The following THOC7 variants were observed in gnomAD, a reference collection of about 807,000 sequenced individuals.
THOC7 encodes THO complex subunit 7, also known as NIF3L1-binding protein 1.
Under a neutral mutation model 33.1 loss-of-function variants are expected in THOC7, and 22 were observed. That is an observed-to-expected ratio of 0.66 (90% CI 0.47 to 0.95). The LOEUF is 0.95. Ranked by LOEUF, THOC7 falls within the 40% of genes least tolerant of loss-of-function variation. The probability of loss-of-function intolerance (pLI) is 0.00; values close to 1 mark genes in which losing one functional copy is unlikely to be tolerated. For missense variants in THOC7, 184 were observed against 245.3 expected, an observed-to-expected ratio of 0.75 and a Z score of 1.67; for synonymous variants, 77 against 76.8, an observed-to-expected ratio of 1.00 and a Z score of -0.01.
chr3:63,858,734 T>C (rs1702156107), intron 1 of THOC7, among the ~76,000 whole-genome samples: 1 of 152,238 alleles, frequency 6.6e-6, no homozygotes, highest in Non-Finnish European at 1.5e-5. Context: ...CTAGCCAGAC[T>C]GCTAGAGTTG....
In THOC7 at chr3:63,839,670, C is replaced by T. The variant is rs776582006; in HGVS notation, c.123G>A (p.Gly41=). The change falls in exon 2 of 8, where the codon GGG becomes GGA. Residue 41 remains glycine, a synonymous_variant. Coordinates refer to ENST00000295899, the MANE Select transcript of THOC7 (RefSeq NM_025075.4). ...VKSFIKWCNS[G]SQEEGYSQYQ... ...AAATGAAATACCCCTCTTCCTGGGACCCAGAGTTGCACCATTTAATGAAAC... is the reference window on the plus strand; with the variant it reads ...AAATGAAATACCCCTCTTCCTGGGATCCAGAGTTGCACCATTTAATGAAAC... The T allele has an allele frequency of 8.1e-6, 13 of 1,611,716 alleles. No individual in the cohort carries two copies. The highest frequency in any genetic ancestry group is 2.2e-4 in the Middle Eastern group (1 of 4,576).
At chr3:63,860,902 AAG>A (rs1203399661) in intron 1 of THOC7, 4 of 152,204 alleles carry the variant, frequency 2.6e-5, no homozygotes, top group East Asian at 1.9e-4. Context: ...TAGGAAAGAA[AAG>A]AGGGGATTTT....
intron 1 of THOC7, among the ~76,000 whole-genome samples, chr3:63,857,467 T>C (rs2107164300): frequency 6.6e-6 from 1 of 152,358 alleles, no homozygotes; most frequent in Non-Finnish European, 1.5e-5. Context: ...AAAATGTTCA[T>C]GCAGATTCCT....
Position 63,833,927 on chromosome 3 carries a change from A to G in THOC7, c.*205T>C, listed in dbSNP as rs1352769914. 3 of 485,000 alleles carry G rather than the reference A, an allele frequency of 6.2e-6. No individual in the cohort carries two copies. Among genetic ancestry groups the G allele is most frequent in the Non-Finnish European group, 1.1e-5 (3 of 280,164 alleles). The allele number at this position is 485,000 out of a possible 1,614,324, so 30.0% of individuals were successfully genotyped here. A position where few individuals can be genotyped will look rare whatever the true frequency, so the allele number is the denominator to read the frequency against. ...GGATGTTGCTTCCTACCACTTAAGAATAAAAAATGCATTTTAATAAAAACA... is the reference window on the plus strand; with the variant it reads ...GGATGTTGCTTCCTACCACTTAAGAGTAAAAAATGCATTTTAATAAAAACA... On this transcript the variant is annotated 3_prime_UTR_variant, in exon 8 of 8. Transcript: ENST00000295899.
intron 1 of THOC7, among the ~76,000 whole-genome samples, chr3:63,854,060 T>A (rs984827914): frequency 3.0e-4 from 46 of 152,364 alleles, no homozygotes; most frequent in Non-Finnish European, 1.9e-4. Context: ...CTTACAAATT[T>A]GCTTCTGTCT....
chr3:63,844,978 G>A, intron 1 of THOC7: 1 of 665,620 alleles, frequency 1.5e-6, no homozygotes, highest in Non-Finnish European at 2.7e-6. Context: ...CATAAATAAA[G>A]ACAATTGAGA....
intron 1 of THOC7, among the ~76,000 whole-genome samples, chr3:63,855,891 G>C (rs955995249): frequency 6.6e-6 from 1 of 152,176 alleles, no homozygotes; most frequent in South Asian, 2.1e-4. Context: ...CACAGGAAGG[G>C]ATAACAATTT....
At chr3:63,839,801 T>C in intron 1 of THOC7, 28 bp from the exon 2 acceptor site, 3 of 1,582,564 alleles carry the variant, frequency 1.9e-6, no homozygotes, top group Non-Finnish European at 2.6e-6. Context: ...AATGTTACCA[T>C]CTGGCTCTTG....
chr3:63,843,675 C>T (rs1403439263), intron 1 of THOC7, among the ~76,000 whole-genome samples: 3 of 151,996 alleles, frequency 2.0e-5, no homozygotes, highest in Non-Finnish European at 2.9e-5. Context: ...CCAAGGTGGG[C>T]GCATCACGAG....
intron 7 of THOC7, 102 bp downstream of exon 7, chr3:63,835,052 T>G: frequency 8.8e-7 from 1 of 1,139,466 alleles, no homozygotes. Context: ...GTTCAGAAAT[T>G]GAAGGTATAC....
intron 1 of THOC7, chr3:63,861,768 A>C (rs569345325): frequency 6.6e-6 from 1 of 150,766 alleles, no homozygotes; most frequent in South Asian, 2.1e-4. Context: ...TGCACATAAC[A>C]GAGACAGTGT....
chr3:63,846,493 C>T (rs1445405535), intron 1 of THOC7, among the ~76,000 whole-genome samples: 5 of 152,098 alleles, frequency 3.3e-5, no homozygotes, highest in Non-Finnish European at 7.4e-5. Flanking sequence ...CCACAACCTT[C>T]GTCTCCTGGG....
chr3:63,848,687 T>G (rs987189221), intron 1 of THOC7: 5 of 152,240 alleles, frequency 3.3e-5, no homozygotes, highest in African/African-American at 9.6e-5. Context: ...TTTGTAAAAC[T>G]GCTAACCAAG....
intron 1 of THOC7, among the ~76,000 whole-genome samples, chr3:63,859,609 CTTAA>C (rs1424748575): frequency 2.0e-5 from 3 of 152,374 alleles, no homozygotes; most frequent in South Asian, 2.1e-4. Context: ...ATTCTCAGAA[CTTAA>C]TTACATTCCT....
intron 1 of THOC7, among the ~76,000 whole-genome samples, chr3:63,856,250 G>A (rs1702113787): frequency 6.6e-6 from 1 of 151,994 alleles, no homozygotes; most frequent in Non-Finnish European, 1.5e-5. Flanking sequence ...GCTGGGAAGA[G>A]CTGTGGGGTG....
chr3:63,862,724 C>T (rs987633741), intron 1 of THOC7, among the ~76,000 whole-genome samples: 7 of 152,116 alleles, frequency 4.6e-5, no homozygotes, highest in Non-Finnish European at 8.8e-5. Context: ...TCTCCACAGG[C>T]ATTTACAGTT....
At chr3:63,854,957 GAGA>G (rs1702087068) in intron 1 of THOC7, among the ~76,000 whole-genome samples, 2 of 150,406 alleles carry the variant, frequency 1.3e-5, no homozygotes, top group Non-Finnish European at 3.0e-5. Context: ...GCAGTGAGCC[GAGA>G]TCCCGCCACT....
intron 1 of THOC7, among the ~76,000 whole-genome samples, chr3:63,847,931 G>A (rs982104530): frequency 3.3e-5 from 5 of 152,132 alleles, no homozygotes; most frequent in African/African-American, 7.2e-5. Context: ...GCCATGATGG[G>A]AATGGGGGTG....
At chr3:63,859,775 A>T (rs990120623) in intron 1 of THOC7, among the ~76,000 whole-genome samples, 1 of 152,222 alleles carries the variant, frequency 6.6e-6, no homozygotes. Context: ...TTGTTGACGG[A>T]TCACACATAC....
Sources: gnomAD v4.1 joint callset for allele counts (sites outside exome capture counted in the v4.1 genomes callset) on GRCh38, gnomAD v4.1.1 for gene constraint, MANE v1.5 for transcripts, NCBI Gene and HGNC (gene_info 2026-07-23, HGNC 2026-07-21) for gene names.